The following UVRAG variants were observed in gnomAD, a reference collection of about 807,000 sequenced individuals.
UVRAG encodes UV radiation resistance associated, also known as UV radiation resistance-associated gene protein.
A neutral mutation model predicts 78.0 loss-of-function variants in UVRAG; 19 were observed. The ratio of observed to expected loss-of-function variants is 0.24; its 90% confidence interval spans 0.17 to 0.36. UVRAG has a LOEUF of 0.36. Among genes scored for constraint, UVRAG ranks in the 10% least tolerant of loss-of-function variants. UVRAG has a pLI of 1.00. For synonymous variants in UVRAG, 323 were observed against 324.6 expected (o/e 1.00, Z 0.05); for missense variants, 740 against 853.8 (o/e 0.87, Z 1.66).
chr11:75,815,326 G>A lies in UVRAG; in HGVS notation c.-82G>A. 1 of 729,136 alleles carries A rather than the reference G, an allele frequency of 1.4e-6. No homozygotes were observed. The highest frequency in any genetic ancestry group is 1.8e-5 in the African/African-American group (1 of 54,804). 45.2% of individuals were successfully genotyped at this position (729,136 alleles called of 1,614,324 possible). On this transcript the variant is annotated 5_prime_UTR_variant, in exon 1 of 15. Transcript: ENST00000356136. ...CGGGTGGCGGGTTTCTAGGCTGCAG[G>A]GGCTTGGTAGGTGGTGGCAAGGGGG...
intron 1 of UVRAG, among the ~76,000 whole-genome samples, chr11:75,830,459 G>C (rs1945630252): frequency 6.6e-6 from 1 of 151,954 alleles, no homozygotes; most frequent in South Asian, 2.1e-4. Flanking sequence ...TTTTAGTAGA[G>C]ACTGGGTTTT....
rs757594162 is a variant in UVRAG, at chr11:76,007,541, T to C, written c.919T>C (p.Phe307Leu). 19 of 1,612,890 alleles carry C rather than the reference T, an allele frequency of 1.2e-5. No homozygotes were observed. The Middle Eastern group carries it at 5.0e-4, about 42-fold the overall frequency. The change falls in exon 10 of 15, where the codon TTC becomes CTC. Residue 307 changes from phenylalanine (F) to leucine (L), a missense_variant. Coordinates refer to ENST00000356136, the MANE Select transcript of UVRAG (RefSeq NM_003369.4). ...RKECTAKREL[F>L]LKTNAQLTIR... ...TTTTTCTTTCCTCATTAGAGAACTC[T>C]TCTTGAAGACTAATGCTCAGTTGAC...
In UVRAG at chr11:76,127,219, G is replaced by A. The variant is rs181317687; in HGVS notation, c.1397+11204G>A. Among the ~76,000 whole-genome samples the A allele has an allele frequency of 1.1e-3, 161 of 152,310 alleles. 2 individuals carry two copies. Among genetic ancestry groups the A allele is most frequent in the African/African-American group, 3.8e-3 (159 of 41,562 alleles). On this transcript the variant is annotated intron_variant, in intron 14 of 14. Coordinates refer to ENST00000356136, the MANE Select transcript of UVRAG (RefSeq NM_003369.4). ...TGAAATGTGGATTTCGGTAATGTCTGAAAGATGTGTTGAAAATGCAAGTGA... is the reference window on the plus strand; with the variant it reads ...TGAAATGTGGATTTCGGTAATGTCTAAAAGATGTGTTGAAAATGCAAGTGA...
At chr11:75,937,762 T>C (rs896572146) in intron 6 of UVRAG, among the ~76,000 whole-genome samples, 1 of 152,190 alleles carries the variant, frequency 6.6e-6, no homozygotes, top group Non-Finnish European at 1.5e-5. Context: ...CTTGCATCTG[T>C]GGGTTTGTAA....
chr11:75,955,513 C>T (rs1220276052), intron 6 of UVRAG, among the ~76,000 whole-genome samples: 1 of 151,984 alleles, frequency 6.6e-6, no homozygotes. Flanking sequence ...GATTGATGAC[C>T]ACCTTTTAAA....
chr11:76,047,315 A>G (rs192475235), intron 12 of UVRAG, among the ~76,000 whole-genome samples: 54 of 152,264 alleles, frequency 3.5e-4, no homozygotes, highest in African/African-American at 1.3e-3. Flanking sequence ...TCCCACCATC[A>G]CTGGAAAAGG....
rs1174124049 is a variant in UVRAG, at chr11:75,879,885, A to G, written c.277A>G (p.Thr93Ala). Reference protein sequence around the residue: ...SEVIKNSLNPTWRSLDFGIMP... With the variant: ...SEVIKNSLNPAWRSLDFGIMP... ...TTTTCATTTTCATGAGCAGAATCCC[A>G]CGTGGCGAAGTCTCGATTTTGGAAT... is the stretch of plus-strand genomic sequence containing the variant. Residue 93 changes from threonine (T) to alanine (A), a missense_variant, in exon 4 of 15, where the codon ACG becomes GCG. By Grantham distance (58) the Thr-to-Ala change is moderately conservative. Coordinates refer to ENST00000356136, the MANE Select transcript of UVRAG (RefSeq NM_003369.4). 6.2e-7 allele frequency: 1 copy of G among 1,613,832 alleles called. No homozygotes were observed. The highest frequency in any genetic ancestry group is 1.3e-5 in the African/African-American group (1 of 74,920).
intron 1 of UVRAG, among the ~76,000 whole-genome samples, chr11:75,825,644 G>A (rs1261247768): frequency 6.6e-6 from 1 of 152,132 alleles, no homozygotes; most frequent in East Asian, 1.9e-4. Flanking sequence ...AAAACCTGAA[G>A]CCCTCTGAGG....
At chr11:76,011,589 A>T (rs1950051476) in intron 11 of UVRAG, among the ~76,000 whole-genome samples, 1 of 152,192 alleles carries the variant, frequency 6.6e-6, no homozygotes, top group African/African-American at 2.4e-5. Flanking sequence ...GCACCACTGC[A>T]CTCCAGCCTG....
chr11:75,915,096 T>A (rs1023254651), intron 6 of UVRAG: 1 of 151,854 alleles, frequency 6.6e-6, no homozygotes, highest in Non-Finnish European at 1.5e-5. Context: ...ATACAAAAAT[T>A]AACCAGGCAT....
chr11:76,086,485 A>G (rs1951591104), intron 13 of UVRAG, among the ~76,000 whole-genome samples: 1 of 152,156 alleles, frequency 6.6e-6, no homozygotes, highest in Admixed American at 6.5e-5. Flanking sequence ...AATTAGATAG[A>G]GATTTGGTCT....
intron 12 of UVRAG, among the ~76,000 whole-genome samples, chr11:76,026,965 C>T (rs1950336420): frequency 6.6e-6 from 1 of 150,436 alleles, no homozygotes; most frequent in Non-Finnish European, 1.5e-5. Flanking sequence ...GAACAGAAAT[C>T]AAGGTGAAAA....
intron 2 of UVRAG, among the ~76,000 whole-genome samples, chr11:75,853,120 T>C (rs1267502965): frequency 6.6e-6 from 1 of 152,102 alleles, no homozygotes; most frequent in Non-Finnish European, 1.5e-5. Context: ...ACTATGTTTT[T>C]TGGGCTGGTC....
rs531237629 is a variant in UVRAG, at chr11:75,893,501, A to G, written c.507+4598A>G. Among the ~76,000 whole-genome samples the G allele has an allele frequency of 1.1e-4, 17 of 152,158 alleles. No individual in the cohort carries two copies. In the South Asian group the frequency reaches 3.5e-3, roughly 32 times the overall value. ...AAAAGCTACCAGCGAGAAAGGAAAT[A>G]TTACTCACAAATTAGGCTGACAGCA... On this transcript the variant is annotated intron_variant, in intron 5 of 14. Coordinates refer to ENST00000356136, the MANE Select transcript of UVRAG (RefSeq NM_003369.4).
At chr11:76,066,019 G>C (rs1255403777) in intron 13 of UVRAG, among the ~76,000 whole-genome samples, 2 of 152,148 alleles carry the variant, frequency 1.3e-5, no homozygotes, top group African/African-American at 4.8e-5. Context: ...GCTAAACTCA[G>C]AATCTTTTTT....
intron 12 of UVRAG, among the ~76,000 whole-genome samples, chr11:76,038,535 G>A (rs1950582665): frequency 6.6e-6 from 1 of 152,194 alleles, no homozygotes; most frequent in Admixed American, 6.5e-5. Context: ...TTTATATCAG[G>A]GGCTTGAGCT....
intron 12 of UVRAG, among the ~76,000 whole-genome samples, chr11:76,064,420 T>C (rs1252443633): frequency 6.6e-6 from 1 of 152,248 alleles, no homozygotes; most frequent in East Asian, 1.9e-4. Flanking sequence ...TGTTACACTT[T>C]GCTTATCCTG....
chr11:76,068,744 A>G (rs1951245570), intron 13 of UVRAG, among the ~76,000 whole-genome samples: 2 of 152,206 alleles, frequency 1.3e-5, no homozygotes, highest in Admixed American at 1.3e-4. Context: ...ATTTGTAACA[A>G]ATGAAAGAAC....
intron 1 of UVRAG, among the ~76,000 whole-genome samples, chr11:75,841,203 T>A (rs1388242802): frequency 1.3e-5 from 2 of 152,176 alleles, no homozygotes; most frequent in Non-Finnish European, 2.9e-5. Flanking sequence ...AAATAAGGTG[T>A]ACAGGACAAG....
Sources: gnomAD v4.1 joint callset for allele counts (sites outside exome capture counted in the v4.1 genomes callset) on GRCh38, gnomAD v4.1.1 for gene constraint, MANE v1.5 for transcripts, NCBI Gene and HGNC (gene_info 2026-07-23, HGNC 2026-07-21) for gene names.